Variants in KLHDC4 observed in about 807,000 individuals in gnomAD.
KLHDC4 encodes the protein kelch domain-containing protein 4.
Under a neutral mutation model 62.4 loss-of-function variants are expected in KLHDC4, and 90 were observed. The observed-to-expected ratio is 1.44, with a 90% CI of 1.22 to 1.72. KLHDC4 has a LOEUF of 1.72. Among genes scored for constraint, KLHDC4 ranks in the 40% most tolerant of loss-of-function variants. The pLI is 0.00. For synonymous variants in KLHDC4, 386 were observed against 284.4 expected, an observed-to-expected ratio of 1.36 and a Z score of -3.59; for missense variants, 1,025 against 699.7, an observed-to-expected ratio of 1.47 and a Z score of -5.25.
At chr16:87,720,337 G>A (rs1285644951) in intron 7 of KLHDC4, among the ~76,000 whole-genome samples, 1 of 152,180 alleles carries the variant, frequency 6.6e-6, no homozygotes, top group Non-Finnish European at 1.5e-5. Flanking sequence ...GTTCCAAGCG[G>A]ACGTGTGTGA....
rs761924560 is a variant in KLHDC4, at chr16:87,702,264, T to C, written c.251A>G (p.Tyr84Cys). 12 of 456,140 alleles carry C rather than the reference T, an allele frequency of 2.6e-5. 1 individual carries two copies. Among genetic ancestry groups the C allele is most frequent in the South Asian group, 1.9e-4 (12 of 64,576 alleles). The allele number at this position is 456,140 out of a possible 1,614,324, so 28.3% of individuals were successfully genotyped here. Residue 84 changes from tyrosine to cysteine, a missense_variant, in exon 1 of 1, where the codon TAT becomes TGT. Physicochemically the swap from Tyr to Cys is radical, Grantham distance 194. Coordinates refer to the KLHDC4 transcript ENST00000446344. Reference sequence around the variant, plus strand: ...GTGGCTCTGCCAGGCGCCGAGTCCATAAAGGGCAGCCACTGTTTGGCAAGG... The same window carrying C: ...GTGGCTCTGCCAGGCGCCGAGTCCACAAAGGGCAGCCACTGTTTGGCAAGG...
intron 8 of KLHDC4, among the ~76,000 whole-genome samples, chr16:87,712,049 G>A (rs950591041): frequency 4.0e-5 from 6 of 151,582 alleles, no homozygotes; most frequent in African/African-American, 1.2e-4. Context: ...GGGACCCTTC[G>A]CCCGGGGGCT....
intron 7 of KLHDC4, among the ~76,000 whole-genome samples, chr16:87,724,627 C>T (rs1482423287): frequency 4.6e-5 from 7 of 152,196 alleles, no homozygotes; most frequent in Non-Finnish European, 4.4e-5. Context: ...ATTAAAACCA[C>T]GAGGTACCAC....
chr16:87,708,721 C>A (rs750952096), intron 10 of KLHDC4, among the ~76,000 whole-genome samples: 142 of 152,216 alleles, frequency 9.3e-4, no homozygotes, highest in Non-Finnish European at 4.0e-4. Context: ...CCAACGGGGC[C>A]TCCTGCCACC....
intron 5 of KLHDC4, among the ~76,000 whole-genome samples, chr16:87,732,727 G>A (rs1339662463): frequency 2.1e-5 from 3 of 144,512 alleles, no homozygotes; most frequent in Non-Finnish European, 4.4e-5. Context: ...AAAACAGCAC[G>A]TGAAAAGGCA....
rs566654214 is a variant in KLHDC4, at chr16:87,716,696, C to G, written c.760-2123G>C. 3.3e-5 allele frequency among the ~76,000 whole-genome samples: 5 copies of G among 152,172 alleles called. No individual in the cohort carries two copies. The East Asian group carries it at 9.6e-4, about 29-fold the overall frequency. Reference sequence around the variant, plus strand: ...CTGTAATCCCAGCACTTCAGGAGGCCGAGGGGGGTAGACCATGAGGTCAGG... The same window carrying G: ...CTGTAATCCCAGCACTTCAGGAGGCGGAGGGGGGTAGACCATGAGGTCAGG... On this transcript the variant is annotated intron_variant, in intron 7 of 11. Transcript: ENST00000270583.
intron 5 of KLHDC4, among the ~76,000 whole-genome samples, chr16:87,731,518 G>T (rs546398262): frequency 2.6e-5 from 4 of 151,930 alleles, no homozygotes; most frequent in African/African-American, 7.3e-5. Context: ...CATCACGAGC[G>T]GTCAGGGAAA....
Position 87,708,353 on chromosome 16 carries a change from A to G in KLHDC4, c.1561T>C (p.Ter521ArgextTer24). 1.9e-6 allele frequency: 3 copies of G among 1,589,510 alleles called. No individual in the cohort carries two copies. The highest frequency in any genetic ancestry group is 2.6e-6 in the Non-Finnish European group (3 of 1,166,596). The change falls in exon 11 of 12, where the codon TGA becomes CGA. Residue 521 changes from the stop codon to arginine, a stop_lost. Coordinates refer to ENST00000270583, the MANE Select transcript of KLHDC4 (RefSeq NM_017566.4). ...DSGEESGAED[*>R] ...CCGCCAGCCCGAGCCCGCTCACCTCAGTCCTCCGCACCGCTCTCCTCTCCG... is the reference window on the plus strand; with the variant it reads ...CCGCCAGCCCGAGCCCGCTCACCTCGGTCCTCCGCACCGCTCTCCTCTCCG...
chr16:87,759,898 AGCCCAGGTGTT>A (rs1567836232), intron 2 of KLHDC4, among the ~76,000 whole-genome samples: 1 of 152,220 alleles, frequency 6.6e-6, no homozygotes, highest in Non-Finnish European at 1.5e-5. Context: ...CAGCGGCACC[AGCCCAGGTGTT>A]GCCGCCGCAC....
At chr16:87,760,765 A>G (rs8050623) in intron 2 of KLHDC4, among the ~76,000 whole-genome samples, 15,551 of 151,502 alleles carry the variant, frequency 0.1, 859 homozygotes, top group African/African-American at 0.11. Flanking sequence ...AGGCACAGCG[A>G]CTCACGCCTG....
At chr16:87,712,967 TTGA>T (rs2036191342) in intron 8 of KLHDC4, among the ~76,000 whole-genome samples, 1 of 152,206 alleles carries the variant, frequency 6.6e-6, no homozygotes, top group Non-Finnish European at 1.5e-5. Flanking sequence ...GCAAACACCC[TTGA>T]TCTGTGCCTC....
intron 1 of KLHDC4, 52 bp from the exon 2 acceptor site, chr16:87,762,092 G>T: frequency 6.2e-7 from 1 of 1,601,386 alleles, no homozygotes; most frequent in Non-Finnish European, 8.5e-7. Flanking sequence ...ACCCGCCGCG[G>T]AGCCACAGCC....
chr16:87,732,465 G>T (rs1307770419), intron 5 of KLHDC4, among the ~76,000 whole-genome samples: 1 of 152,058 alleles, frequency 6.6e-6, no homozygotes, highest in Non-Finnish European at 1.5e-5. Context: ...GAATTTTATT[G>T]TAATTATGTC....
At chr16:87,718,987 G>C (rs188685311) in intron 7 of KLHDC4, among the ~76,000 whole-genome samples, 16 of 150,850 alleles carry the variant, frequency 1.1e-4, no homozygotes, top group Non-Finnish European at 2.1e-4. Context: ...CCCTCCGCCC[G>C]GCAGCCGCCC....
rs1373958199 is a variant in KLHDC4 at position 87,711,415 on chromosome 16, AG to A, written c.863del (p.Pro288LeufsTer60). The A allele has an allele frequency of 2.5e-6, 4 of 1,612,704 alleles. No individual in the cohort carries two copies. In the Admixed American group the frequency reaches 6.7e-5, roughly 27 times the overall value. On this transcript the variant is annotated frameshift_variant, in exon 9 of 12. Coordinates refer to ENST00000270583, the MANE Select transcript of KLHDC4 (RefSeq NM_017566.4). LOFTEE classifies it high-confidence loss of function. Reference sequence around the variant, plus strand: ...ACCGTGGGGTGGGCTTGACCCCCGAAGGGTTCATCCGAGTCCAAACCCACTT... The same window carrying A: ...ACCGTGGGGTGGGCTTGACCCCCGAAGGTTCATCCGAGTCCAAACCCACTT... ...EDKWVWTRMN[P>X]SGVKPTPRSG...
At chr16:87,731,956 C>A (rs1302374038) in intron 5 of KLHDC4, among the ~76,000 whole-genome samples, 1 of 152,160 alleles carries the variant, frequency 6.6e-6, no homozygotes, top group Non-Finnish European at 1.5e-5. Flanking sequence ...TCCATGCACA[C>A]GAGCGTCTTA....
intron 6 of KLHDC4, among the ~76,000 whole-genome samples, chr16:87,728,113 C>T (rs4843685): frequency 6.6e-6 from 1 of 151,938 alleles, no homozygotes; most frequent in Non-Finnish European, 1.5e-5. Context: ...TTTGAACCTA[C>T]GAGGTGGAGG....
At chr16:87,737,536 C>T (rs1300020281) in intron 5 of KLHDC4, among the ~76,000 whole-genome samples, 4 of 151,504 alleles carry the variant, frequency 2.6e-5, no homozygotes, top group Non-Finnish European at 5.9e-5. Flanking sequence ...TGCCGTGAGC[C>T]GAGATCACAC....
chr16:87,745,307 T>C (rs879707265), intron 5 of KLHDC4, among the ~76,000 whole-genome samples: 57 of 151,512 alleles, frequency 3.8e-4, no homozygotes, highest in African/African-American at 1.3e-3. Context: ...CGGGGCCACC[T>C]CTTGGTGCCT....
Sources: allele counts gnomAD v4.1 joint callset (sites outside exome capture counted in the v4.1 genomes callset), GRCh38; gene constraint gnomAD v4.1.1; transcripts MANE v1.5; gene names NCBI Gene and HGNC (gene_info 2026-07-23, HGNC 2026-07-21).